SEC31A: variants seen among roughly 807,000 people sequenced by gnomAD.
SEC31A encodes SEC31 homolog A, COPII component, also known as protein transport protein Sec31A.
SEC31A carries 70 observed loss-of-function variants against 151.0 expected under a neutral mutation model. The ratio of observed to expected loss-of-function variants is 0.46; its 90% confidence interval spans 0.38 to 0.57. The LOEUF is 0.57. Among genes scored for constraint, SEC31A ranks in the 20% least tolerant of loss-of-function variants. The probability of loss-of-function intolerance (pLI) is 0.00; values close to 1 mark genes in which losing one functional copy is unlikely to be tolerated. For synonymous variants in SEC31A, 475 were observed against 505.9 expected, an observed-to-expected ratio of 0.94 and a Z score of 0.82; for missense variants, 1,330 against 1,471.2, an observed-to-expected ratio of 0.90 and a Z score of 1.57.
intron 1 of SEC31A, among the ~76,000 whole-genome samples, chr4:82,886,636 A>T (rs2125916510): frequency 1.3e-5 from 2 of 152,318 alleles, no homozygotes; most frequent in Middle Eastern, 6.8e-3. Context: ...CTCTTTGCCA[A>T]CTGTCTCACC....
chr4:82,819,408 C>CCAAGCAACAGTTAT (rs1349870121), intron 26 of SEC31A, among the ~76,000 whole-genome samples, 155 bp from the exon 27 acceptor site: 1 of 152,066 alleles, frequency 6.6e-6, no homozygotes, highest in Non-Finnish European at 1.5e-5. Context: ...GTTTCTTGAA[C>CCAAGCAACAGTTAT]CAAGCAACAG....
chr4:82,819,919 G>A (rs2148882534), intron 26 of SEC31A, among the ~76,000 whole-genome samples: 1 of 152,080 alleles, frequency 6.6e-6, no homozygotes, highest in South Asian at 2.1e-4. Flanking sequence ...GTGCCACCAT[G>A]CCCAGCTAAT....
intron 22 of SEC31A, among the ~76,000 whole-genome samples, chr4:82,833,022 G>T (rs969272733): frequency 6.6e-6 from 1 of 151,426 alleles, no homozygotes; most frequent in Admixed American, 6.6e-5. Context: ...CTAGAACTAG[G>T]AATACCATTT....
chr4:82,868,256 T>C (rs962168286), intron 8 of SEC31A, among the ~76,000 whole-genome samples: 4 of 152,138 alleles, frequency 2.6e-5, no homozygotes, highest in African/African-American at 9.7e-5. Context: ...CCTAGCACTT[T>C]GGTAGGCTGA....
At chr4:82,884,489 C>A (rs1740197624) in intron 1 of SEC31A, among the ~76,000 whole-genome samples, 1 of 152,156 alleles carries the variant, frequency 6.6e-6, no homozygotes, top group African/African-American at 2.4e-5. Flanking sequence ...AACCACATAA[C>A]CTTTCTCACC....
Position 82,871,946 on chromosome 4 carries a change from G to T in SEC31A, c.780C>A (p.Ala260=). ...TCTTTGTAACAGCAGCACGATACCT[G>T]GCATGGTTTTCCAGGACACGAAGTG... ...SSPLRVLENH[A]RGILAIAWSM... Residue 260 remains alanine, a splice_region_variant and synonymous_variant, in exon 7 of 27, where the codon GCC becomes GCA. Coordinates refer to ENST00000395310, the MANE Select transcript of SEC31A (RefSeq NM_001077207.4). 1.2e-6 allele frequency: 2 copies of T among 1,614,096 alleles called. No homozygotes were observed. The highest frequency in any genetic ancestry group is 8.5e-7 in the Non-Finnish European group (1 of 1,179,998).
At chr4:82,864,628 G>A (rs1734901855) in intron 10 of SEC31A, 30 bp from the exon 11 acceptor site, 1 of 1,595,792 alleles carries the variant, frequency 6.3e-7, no homozygotes, top group Non-Finnish European at 8.6e-7. Context: ...CAAACTCAGT[G>A]TTAACCCAAG....
chr4:82,835,172 C>A (rs999871189), intron 22 of SEC31A, among the ~76,000 whole-genome samples: 4 of 152,034 alleles, frequency 2.6e-5, no homozygotes, highest in African/African-American at 9.7e-5. Flanking sequence ...ACAAACAGTT[C>A]AACTGATCTC....
At chr4:82,869,234 C>T (rs527716701) in intron 8 of SEC31A, among the ~76,000 whole-genome samples, 5 of 152,094 alleles carry the variant, frequency 3.3e-5, no homozygotes, top group Admixed American at 2.6e-4. Flanking sequence ...ATTCTCCTGC[C>T]TCAGCCTCCC....
chr4:82,891,140 C>G lies in SEC31A; in HGVS notation c.-57G>C. Reference sequence around the variant, plus strand: ...CTGCGTTAGTGCAGCGCTCGTCGGACTCTCCCAGCATTCGCCGCCGCCCCT... The same window carrying G: ...CTGCGTTAGTGCAGCGCTCGTCGGAGTCTCCCAGCATTCGCCGCCGCCCCT... On this transcript the variant is annotated 5_prime_UTR_variant, in exon 1 of 27. Coordinates refer to ENST00000395310, the MANE Select transcript of SEC31A (RefSeq NM_001077207.4). The G allele has an allele frequency of 2.0e-6, 3 of 1,535,934 alleles. No homozygotes were observed. The highest frequency in any genetic ancestry group is 2.6e-6 in the Non-Finnish European group (3 of 1,146,782).
Position 82,870,682 on chromosome 4 carries a change from A to T in SEC31A, c.783-258T>A, listed in dbSNP as rs1736458298. On this transcript the variant is annotated intron_variant, in intron 7 of 26. Coordinates refer to ENST00000395310, the MANE Select transcript of SEC31A (RefSeq NM_001077207.4). ...CACTGCACTTCAGCCTGGGCAACAG[A>T]GTGAGTGAGACTCTATCTCAACATA... is the stretch of plus-strand genomic sequence containing the variant. Among the ~76,000 whole-genome samples the T allele has an allele frequency of 1.3e-5, 2 of 152,176 alleles. 1 individual carries two copies. The highest frequency in any genetic ancestry group is 4.8e-5 in the African/African-American group (2 of 41,442).
At chr4:82,835,573 A>G (rs1306470450) in intron 22 of SEC31A, among the ~76,000 whole-genome samples, 1 of 152,176 alleles carries the variant, frequency 6.6e-6, no homozygotes, top group Admixed American at 6.6e-5. Context: ...AGGTGGATGG[A>G]TCACCTGAGG....
intron 1 of SEC31A, among the ~76,000 whole-genome samples, chr4:82,889,550 A>AC (rs1741771974): frequency 6.6e-6 from 1 of 150,786 alleles, no homozygotes; most frequent in Non-Finnish European, 1.5e-5. Flanking sequence ...CTGTCTCAAA[A>AC]AAAAAAAAAA....
intron 11 of SEC31A, among the ~76,000 whole-genome samples, chr4:82,864,093 G>A (rs1424871335): frequency 6.6e-6 from 1 of 151,526 alleles, no homozygotes; most frequent in Non-Finnish European, 1.5e-5. Context: ...TAGGTGTGCT[G>A]ACTATGTCGC....
intron 2 of SEC31A, 26 bp from the exon 3 acceptor site, chr4:82,880,948 T>C: frequency 6.4e-7 from 1 of 1,561,226 alleles, no homozygotes; most frequent in Admixed American, 1.9e-5. Flanking sequence ...TTATGGTAAC[T>C]ATACACACAA....
At chr4:82,827,341 C>T (rs370320363) in intron 24 of SEC31A, 28 bp downstream of exon 24, 31 of 1,604,626 alleles carry the variant, frequency 1.9e-5, no homozygotes, top group Non-Finnish European at 2.6e-5. Context: ...GCCATCTTCC[C>T]ATTCCACTTC....
chr4:82,900,537 G>T (rs956863949), exon 1 of SEC31A: 7 of 519,406 alleles, frequency 1.3e-5, no homozygotes, highest in South Asian at 5.2e-5. Flanking sequence ...CCACTATTCC[G>T]CCTCCAACGC....
At chr4:82,824,362 C>T (rs1724070361) in intron 25 of SEC31A, among the ~76,000 whole-genome samples, 193 bp downstream of exon 25, 1 of 152,078 alleles carries the variant, frequency 6.6e-6, no homozygotes, top group Non-Finnish European at 1.5e-5. Flanking sequence ...TTCCACCACA[C>T]ACAGCTAATT....
At chr4:82,899,043 T>C (rs1720186356) in intron 3 of SEC31A, among the ~76,000 whole-genome samples, 2 of 152,186 alleles carry the variant, frequency 1.3e-5, no homozygotes, top group Admixed American at 1.3e-4. Context: ...AAAAATAAAG[T>C]ACTGATACGT....
Sources: gnomAD v4.1 joint callset for allele counts (sites outside exome capture counted in the v4.1 genomes callset) on GRCh38, gnomAD v4.1.1 for gene constraint, MANE v1.5 for transcripts, NCBI Gene and HGNC (gene_info 2026-07-23, HGNC 2026-07-21) for gene names.